COL28A1: variants seen among roughly 807,000 people sequenced by gnomAD.
The protein encoded by COL28A1 is collagen alpha-1(XXVIII) chain.
In COL28A1, 161 loss-of-function variants were observed where a neutral mutation model predicts 150.2. That is an observed-to-expected ratio of 1.07 (90% CI 0.94 to 1.22). COL28A1 has a LOEUF of 1.22. Among genes scored for constraint, COL28A1 ranks in the 50% most tolerant of loss-of-function variants. COL28A1 has a pLI of 0.00. For synonymous variants in COL28A1, 552 were observed against 469.7 expected, an observed-to-expected ratio of 1.18 and a Z score of -2.26; for missense variants, 1,617 against 1,388.3, an observed-to-expected ratio of 1.16 and a Z score of -2.62.
chr7:7,410,882 T>A (rs1041250554), intron 27 of COL28A1, among the ~76,000 whole-genome samples: 1 of 152,220 alleles, frequency 6.6e-6, no homozygotes, highest in Admixed American at 6.5e-5. Flanking sequence ...CTGACTTTTT[T>A]AATAAATGAG....
At chr7:7,424,591 G>C (rs1185845982) in intron 25 of COL28A1, among the ~76,000 whole-genome samples, 2 of 152,106 alleles carry the variant, frequency 1.3e-5, no homozygotes, top group Admixed American at 6.5e-5. Flanking sequence ...CCTGCAGAGG[G>C]AGCCCTTGTA....
chr7:7,440,794 G>A lies in COL28A1; in HGVS notation c.1718C>T (p.Pro573Leu), dbSNP rs780631270. 2 of 1,421,272 alleles carry A rather than the reference G, an allele frequency of 1.4e-6. No individual in the cohort carries two copies. Among genetic ancestry groups the A allele is most frequent in the Non-Finnish European group, 2.0e-6 (2 of 1,006,820 alleles). The allele number at this position is 1,421,272 out of a possible 1,614,324, so 88.0% of individuals were successfully genotyped here. Residue 573 changes from proline to leucine, a missense_variant, in exon 21 of 35, where the codon CCA becomes CTA. Coordinates refer to ENST00000399429, the MANE Select transcript of COL28A1 (RefSeq NM_001037763.3). ...GQRGLPGPEG[P>L]KGEPGIMGPF... is the part of the protein sequence containing the mutation. ...GTCAGAATACAAGAAACATACCTTT[G>A]GTCCTTCGGGCCCTGGAAGTCCCCT... is the stretch of plus-strand genomic sequence containing the variant.
upstream of COL28A1, among the ~76,000 whole-genome samples, chr7:7,537,946 G>A (rs892907369): frequency 1.3e-5 from 2 of 152,138 alleles, no homozygotes; most frequent in Non-Finnish European, 2.9e-5. Flanking sequence ...AAGCAAACAG[G>A]TGATTCCTAG....
chr7:7,371,268 A>G (rs1363640867), intron 32 of COL28A1, among the ~76,000 whole-genome samples: 3 of 152,222 alleles, frequency 2.0e-5, no homozygotes, highest in Admixed American at 6.5e-5. Flanking sequence ...CTCCAGATAT[A>G]ATGATAAAGC....
intron 11 of COL28A1, among the ~76,000 whole-genome samples, chr7:7,493,058 A>T (rs1583497166): frequency 1.9e-5 from 2 of 108,012 alleles, no homozygotes; most frequent in East Asian, 2.7e-4. Context: ...TTAATATATA[A>T]TATATATATA....
chr7:7,351,374 T>G (rs1780227114), downstream of COL28A1, among the ~76,000 whole-genome samples: 1 of 152,170 alleles, frequency 6.6e-6, no homozygotes, highest in African/African-American at 2.4e-5. Context: ...ACAGAAGACA[T>G]CCAGCTCCAA....
intron 15 of COL28A1, among the ~76,000 whole-genome samples, chr7:7,464,769 C>T (rs1044966321): frequency 6.6e-6 from 1 of 152,084 alleles, no homozygotes; most frequent in Admixed American, 6.6e-5. Context: ...GAAACAAGAA[C>T]AAACCAAACC....
At chr7:7,399,973 C>T (rs1783075423) in intron 27 of COL28A1, among the ~76,000 whole-genome samples, 1 of 152,200 alleles carries the variant, frequency 6.6e-6, no homozygotes, top group African/African-American at 2.4e-5. Context: ...AGGAATGGGG[C>T]CTCCAAGCAA....
intron 27 of COL28A1, among the ~76,000 whole-genome samples, chr7:7,393,867 C>T (rs1269022482): frequency 5.3e-5 from 8 of 152,100 alleles, no homozygotes; most frequent in African/African-American, 1.9e-4. Flanking sequence ...TGCTAGGCTC[C>T]GCGGGGGTGG....
downstream of COL28A1, chr7:7,356,934 T>A (rs1038461598): frequency 2.0e-5 from 3 of 152,208 alleles, no homozygotes; most frequent in African/African-American, 4.8e-5. Context: ...ATTATACATA[T>A]CATTATTTCT....
At chr7:7,517,577 G>A (rs554775725) in intron 7 of COL28A1, among the ~76,000 whole-genome samples, 1 of 152,140 alleles carries the variant, frequency 6.6e-6, no homozygotes, top group Non-Finnish European at 1.5e-5. Context: ...TGATAGGGTT[G>A]AACACTCCTG....
At chr7:7,471,125 TAAAAAAAAAA>T (rs746981344) in intron 15 of COL28A1, among the ~76,000 whole-genome samples, 4 of 88,524 alleles carry the variant, frequency 4.5e-5, no homozygotes, top group Non-Finnish European at 9.3e-5. Context: ...AAAAAATAAT[TAAAAAAAAAA>T]AAAAAAAAAG....
chr7:7,390,320 C>G (rs1782461528), intron 27 of COL28A1, among the ~76,000 whole-genome samples: 1 of 152,138 alleles, frequency 6.6e-6, no homozygotes, highest in South Asian at 2.1e-4. Flanking sequence ...GTTGAACCAG[C>G]CTTGCATCCC....
chr7:7,338,997 C>T, the COL28A1 span, among the ~76,000 whole-genome samples: 2 of 152,062 alleles, frequency 1.3e-5, no homozygotes, highest in Non-Finnish European at 2.9e-5. Context: ...ATAAAAAAAT[C>T]AACTTCCAAA....
At chr7:7,447,596 C>T (rs745337756) in intron 18 of COL28A1, among the ~76,000 whole-genome samples, 1 of 151,806 alleles carries the variant, frequency 6.6e-6, no homozygotes, top group South Asian at 2.1e-4. Context: ...ATACTCCATA[C>T]AGTCAAGAAA....
rs184927362 is a variant in COL28A1, at chr7:7,534,136, G to A, written c.-37-1224C>T. ...TGGGTTAGGAGAGGACCAATGGATG[G>A]CTTCATGCCACAGTCTGCTCCTCAC... On this transcript the variant is annotated intron_variant, in intron 1 of 34. Coordinates refer to ENST00000399429, the MANE Select transcript of COL28A1 (RefSeq NM_001037763.3). 1.2e-3 allele frequency among the ~76,000 whole-genome samples: 190 copies of A among 152,256 alleles called. 1 individual carries two copies. The highest frequency in any genetic ancestry group is 4.3e-3 in the African/African-American group (180 of 41,554).
intron 8 of COL28A1, chr7:7,511,669 G>A (rs1415439104): frequency 2.2e-6 from 1 of 460,978 alleles, no homozygotes; most frequent in Non-Finnish European, 4.5e-6. Flanking sequence ...ACCTAGTAGT[G>A]TTCACCTGGA....
chr7:7,378,799 G>A (rs544558959), intron 30 of COL28A1, among the ~76,000 whole-genome samples: 1 of 152,298 alleles, frequency 6.6e-6, no homozygotes, highest in East Asian at 1.9e-4. Context: ...TCATGGAGCT[G>A]TCATGCAGAT....
At chr7:7,478,523 C>G (rs1425805079) in intron 13 of COL28A1, among the ~76,000 whole-genome samples, 1 of 152,266 alleles carries the variant, frequency 6.6e-6, no homozygotes, top group Admixed American at 6.5e-5. Flanking sequence ...GAGCTGCCTG[C>G]CAGTCCCAGG....
Sources: gnomAD v4.1 joint callset for allele counts (sites outside exome capture counted in the v4.1 genomes callset) on GRCh38, gnomAD v4.1.1 for gene constraint, MANE v1.5 for transcripts, NCBI Gene and HGNC (gene_info 2026-07-23, HGNC 2026-07-21) for gene names.